GRB14: variants seen among roughly 807,000 people sequenced by gnomAD.
GRB14 encodes growth factor receptor bound protein 14, also known as growth factor receptor-bound protein 14.
A neutral mutation model predicts 69.1 loss-of-function variants in GRB14; 38 were observed. The ratio of observed to expected loss-of-function variants is 0.55; its 90% CI spans 0.42 to 0.72. The LOEUF (loss-of-function observed/expected upper bound fraction) is 0.72, where lower values mean the gene tolerates loss of function less well. Ranked by LOEUF, GRB14 falls within the 30% of genes least tolerant of loss-of-function variation. GRB14 has a pLI of 0.00. For missense variants in GRB14, 666 were observed against 666.1 expected (o/e 1.00, Z 0.00); for synonymous variants, 247 against 241.3 (o/e 1.02, Z -0.22).
chr2:164,546,306 T>C (rs1341474199), intron 3 of GRB14, among the ~76,000 whole-genome samples: 1 of 152,196 alleles, frequency 6.6e-6, no homozygotes, highest in African/African-American at 2.4e-5. Flanking sequence ...GAAATGATTA[T>C]TCATAATTCT....
At chr2:164,513,082 C>T (rs1198518981) in intron 6 of GRB14, among the ~76,000 whole-genome samples, 13 of 151,958 alleles carry the variant, frequency 8.6e-5, no homozygotes, top group Admixed American at 2.6e-4. Flanking sequence ...AATCTTGTGG[C>T]CCCTCTCTCT....
chr2:164,523,116 G>A (rs1386635266), intron 5 of GRB14, among the ~76,000 whole-genome samples: 1 of 152,010 alleles, frequency 6.6e-6, no homozygotes, highest in Non-Finnish European at 1.5e-5. Context: ...AGTATCAAAC[G>A]ACATGCAGTC....
At chr2:164,517,738 T>A (rs1443503222) in intron 6 of GRB14, among the ~76,000 whole-genome samples, 2 of 152,036 alleles carry the variant, frequency 1.3e-5, no homozygotes, top group Admixed American at 1.3e-4. Flanking sequence ...CAAAACAGAC[T>A]TTAAAGCAAC....
At chr2:164,509,899 T>G (rs1228772275) in intron 6 of GRB14, among the ~76,000 whole-genome samples, 2 of 151,812 alleles carry the variant, frequency 1.3e-5, no homozygotes, top group African/African-American at 4.8e-5. Context: ...CATTTACCGG[T>G]GTTATTCCAC....
intron 6 of GRB14, among the ~76,000 whole-genome samples, chr2:164,514,990 C>A (rs1687441931): frequency 6.6e-6 from 1 of 152,080 alleles, no homozygotes; most frequent in African/African-American, 2.4e-5. Flanking sequence ...AGCCATAATC[C>A]CCCTGGGAAC....
intron 3 of GRB14, among the ~76,000 whole-genome samples, chr2:164,534,055 T>G (rs73971030): frequency 0.025 from 3,778 of 152,236 alleles, 148 homozygotes; most frequent in African/African-American, 0.086. Context: ...ATAGAGTATG[T>G]GAGAAAGCCA....
At position 164,522,009 on chromosome 2, in the gene GRB14, A is replaced by C; in HGVS notation, c.787T>G (p.Leu263Val). The part of the protein sequence containing the change: ...KIYFFLRRSG[L>V]YFSTKGTSKE... ...GATGTTCCTTTAGTAGAAAAATATA[A>C]ACCAGATCTTCTTAGAAAAAAGTAA... Residue 263 changes from leucine to valine, a missense_variant, in exon 6 of 14, where the codon TTA becomes GTA. Physicochemically the swap from Leu to Val is conservative, Grantham distance 32 (BLOSUM62 1). Transcript: ENST00000263915. 1 of 1,603,488 alleles carries C rather than the reference A, an allele frequency of 6.2e-7. No homozygotes were observed. Among genetic ancestry groups the C allele is most frequent in the South Asian group, 1.1e-5 (1 of 90,340 alleles).
At chr2:164,502,851 A>C (rs1242244674) in intron 8 of GRB14, among the ~76,000 whole-genome samples, 1 of 152,114 alleles carries the variant, frequency 6.6e-6, no homozygotes, top group Non-Finnish European at 1.5e-5. Context: ...TCCTTATATC[A>C]AAACTATTAA....
intron 3 of GRB14, among the ~76,000 whole-genome samples, chr2:164,536,779 C>G (rs1409966827): frequency 6.6e-6 from 1 of 152,156 alleles, no homozygotes; most frequent in Non-Finnish European, 1.5e-5. Context: ...TGAGGTTTTA[C>G]TTGTCTAGTT....
chr2:164,513,298 T>C (rs1687387943), intron 6 of GRB14, among the ~76,000 whole-genome samples: 1 of 151,680 alleles, frequency 6.6e-6, no homozygotes, highest in Non-Finnish European at 1.5e-5. Flanking sequence ...GATTGAATAG[T>C]AGCCCCCCAA....
intron 2 of GRB14, among the ~76,000 whole-genome samples, chr2:164,597,304 T>G (rs906533765): frequency 4.6e-5 from 7 of 152,220 alleles, no homozygotes; most frequent in Non-Finnish European, 8.8e-5. Flanking sequence ...CATTTCACCC[T>G]CTTTCATAGT....
At chr2:164,535,904 G>C (rs575081251) in intron 3 of GRB14, among the ~76,000 whole-genome samples, 1 of 152,094 alleles carries the variant, frequency 6.6e-6, no homozygotes, top group Non-Finnish European at 1.5e-5. Context: ...AATTAACTCC[G>C]ACCCAACCAT....
chr2:164,543,927 C>T (rs1009238732), intron 3 of GRB14, among the ~76,000 whole-genome samples: 13 of 152,124 alleles, frequency 8.5e-5, no homozygotes, highest in African/African-American at 2.7e-4. Context: ...CCTCTTACAT[C>T]GGTAAAGAAC....
intron 6 of GRB14, among the ~76,000 whole-genome samples, chr2:164,514,245 G>T (rs1166167584): frequency 1.3e-5 from 2 of 152,170 alleles, no homozygotes; most frequent in Non-Finnish European, 2.9e-5. Flanking sequence ...ACAGCATGAG[G>T]AGATTCACAT....
chr2:164,524,942 G>T, intron 5 of GRB14, 62 bp downstream of exon 5: 1 of 866,376 alleles, frequency 1.2e-6, no homozygotes, highest in Non-Finnish European at 1.8e-6. Flanking sequence ...GTATAAAAAA[G>T]GACTTAAAAG....
chr2:164,588,230 A>C (rs1689581341), intron 2 of GRB14, among the ~76,000 whole-genome samples: 1 of 152,200 alleles, frequency 6.6e-6, no homozygotes, highest in Non-Finnish European at 1.5e-5. Flanking sequence ...TGGTTTCATA[A>C]AGATAAGAAA....
intron 2 of GRB14, among the ~76,000 whole-genome samples, chr2:164,616,576 A>G (rs1164422067): frequency 1.3e-5 from 2 of 152,188 alleles, no homozygotes; most frequent in African/African-American, 4.8e-5. Flanking sequence ...TGTGGCTTCA[A>G]TGCACTTTAC....
intron 2 of GRB14, among the ~76,000 whole-genome samples, chr2:164,581,082 A>G (rs1521523): frequency 0.52 from 79,442 of 152,052 alleles, 21,872 homozygotes; most frequent in Non-Finnish European, 0.56. Context: ...AATACATTGT[A>G]TTTCCACTAT....
In GRB14 at chr2:164,598,439, A is replaced by T. The variant is rs190069436; in HGVS notation, c.324+21248T>A. On this transcript the variant is annotated intron_variant, in intron 2 of 13. Transcript: ENST00000263915. ...CATATGATAGCATACATCTGTGCACATGATTATTTTTCTAGTATCTTTTAC... is the reference window on the plus strand; with the variant it reads ...CATATGATAGCATACATCTGTGCACTTGATTATTTTTCTAGTATCTTTTAC... Among the ~76,000 whole-genome samples, 6 of 152,312 alleles carry T rather than the reference A, an allele frequency of 3.9e-5. No individual in the cohort carries two copies. In the East Asian group the frequency reaches 1.2e-3, roughly 29 times the overall value.
Sources: gnomAD v4.1 joint callset for allele counts (sites outside exome capture counted in the v4.1 genomes callset) on GRCh38, gnomAD v4.1.1 for gene constraint, MANE v1.5 for transcripts, NCBI Gene and HGNC (gene_info 2026-07-23, HGNC 2026-07-21) for gene names.